PCSK7: variants seen among roughly 807,000 people sequenced by gnomAD.
PCSK7 encodes lymphoma proprotein convertase.
A neutral mutation model predicts 73.3 loss-of-function variants in PCSK7; 38 were observed. The observed-to-expected ratio is 0.52, with a 90% CI of 0.40 to 0.68. PCSK7 has a LOEUF of 0.68. Among genes scored for constraint, PCSK7 ranks in the 30% least tolerant of loss-of-function variants. PCSK7 has a pLI of 0.00. For synonymous variants in PCSK7, 296 were observed against 383.8 expected, an observed-to-expected ratio of 0.77 and a Z score of 2.68; for missense variants, 692 against 991.5, an observed-to-expected ratio of 0.70 and a Z score of 4.06.
At position 117,225,213 on chromosome 11, in the gene PCSK7, C is replaced by A. The variant is rs1475661882; in HGVS notation, c.861-458G>T. On this transcript the variant is annotated intron_variant, in intron 6 of 16. Transcript: ENST00000320934. ...AGTAGCTGGGATTACAGGTGCCCAC[C>A]ACCAAGCCTGGCTAATTTTTGTATT... 6.3e-5 allele frequency: 10 copies of A among 157,714 alleles called. No individual in the cohort carries two copies. In the South Asian group the frequency reaches 1.8e-3, roughly 29 times the overall value. The allele number at this position is 157,714 out of a possible 1,614,324, so 9.8% of individuals were successfully genotyped here.
intron 9 of PCSK7, 64 bp from the exon 10 acceptor site, chr11:117,219,822 G>A: frequency 7.6e-7 from 1 of 1,311,964 alleles, no homozygotes; most frequent in Non-Finnish European, 1.0e-6. Context: ...ACAGTGGTGT[G>A]CACCTATAGT....
At position 117,219,184 on chromosome 11, in the gene PCSK7, G is replaced by C. The variant is rs1336701740; in HGVS notation, c.1324-20C>G. On this transcript the variant is annotated intron_variant, in intron 10 of 16. Coordinates refer to ENST00000320934, the MANE Select transcript of PCSK7 (RefSeq NM_004716.4). Reference sequence around the variant, plus strand: ...CTCATACTGAAAGGACAGAGGTCCTGGTTAGTCTCTTGCATTGCCAGTGTA... The same window carrying C: ...CTCATACTGAAAGGACAGAGGTCCTCGTTAGTCTCTTGCATTGCCAGTGTA... 4 of 1,552,094 alleles carry C rather than the reference G, an allele frequency of 2.6e-6. No individual in the cohort carries two copies. The Admixed American group carries it at 5.1e-5, about 20-fold the overall frequency.
chr11:117,222,283 T>A (rs917641766), intron 9 of PCSK7: 2 of 152,264 alleles, frequency 1.3e-5, no homozygotes, highest in Admixed American at 6.5e-5. Flanking sequence ...GCGATCGTCT[T>A]CAAATTCTTT....
chr11:117,226,266 G>T, intron 5 of PCSK7: 1 of 505,310 alleles, frequency 2.0e-6, no homozygotes, highest in Non-Finnish European at 3.6e-6. Context: ...CCTCGAAGTA[G>T]CTGGGACTAC....
At chr11:117,225,055 CTTTTTTTTT>C (rs571538440) in intron 6 of PCSK7, 2 of 134,370 alleles carry the variant, frequency 1.5e-5, no homozygotes, top group South Asian at 2.4e-4. Context: ...ACATGTAGAC[CTTTTTTTTT>C]TTTTTTTTTT....
At chr11:117,212,071 CATT>C (rs2031751280) in intron 12 of PCSK7, 1 of 152,078 alleles carries the variant, frequency 6.6e-6, no homozygotes, top group African/African-American at 2.4e-5. Context: ...TTGTCCTTGA[CATT>C]TTTTTCTATT....
chr11:117,230,040 C>T (rs1006421803), intron 2 of PCSK7, 184 bp from the exon 3 acceptor site: 8 of 547,042 alleles, frequency 1.5e-5, no homozygotes, highest in Admixed American at 7.0e-5. Context: ...GGATAAGCCC[C>T]CAGGTGGAGT....
At chr11:117,224,301 T>C in intron 7 of PCSK7, 85 bp from the exon 8 acceptor site, 1 of 1,415,800 alleles carries the variant, frequency 7.1e-7, no homozygotes, top group South Asian at 1.2e-5. Flanking sequence ...CTCCACCCCT[T>C]CTAGAAACAA....
At chr11:117,226,501 A>C in intron 5 of PCSK7, 1 of 162,334 alleles carries the variant, frequency 6.2e-6, no homozygotes, top group Non-Finnish European at 1.4e-5. Context: ...AAAAAAATAT[A>C]TATATAGAGA....
chr11:117,218,388 G>C lies in PCSK7; in HGVS notation c.1534+78C>G, dbSNP rs1339988591. 3 of 727,846 alleles carry C rather than the reference G, an allele frequency of 4.1e-6. No homozygotes were observed. Among genetic ancestry groups the C allele is most frequent in the African/African-American group, 3.6e-5 (2 of 54,826 alleles). 45.1% of individuals were successfully genotyped at this position (727,846 alleles called of 1,614,324 possible). On this transcript the variant is annotated intron_variant, in intron 12 of 16. Transcript: ENST00000320934. This position sits in a 1 kb window ranked among gnomAD's most constrained non-coding sequence, Gnocchi z 4.0. ...CCGAAAGGGGGTAGAATCTGGCAGG[G>C]AGGACGAGTTTAACTTCCTTGTCAC... is the stretch of plus-strand genomic sequence containing the variant.
chr11:117,223,527 G>C, intron 8 of PCSK7: 2 of 567,988 alleles, frequency 3.5e-6, no homozygotes, highest in East Asian at 5.8e-5. Flanking sequence ...CATTCTTTCA[G>C]TAGGCTCTGG....
chr11:117,204,377 C>T lies in PCSK7; in HGVS notation c.*1620G>A. The T allele has an allele frequency of 6.2e-7, 1 of 1,614,204 alleles. No homozygotes were observed. Among genetic ancestry groups the T allele is most frequent in the Non-Finnish European group, 8.5e-7 (1 of 1,180,014 alleles). ...TCAGTTAGAGCGGAGAGGGCTAGCC[C>T]TGAGCCCGGCCCTCCCCCAGCTCCT... is the stretch of plus-strand genomic sequence containing the variant. On this transcript the variant is annotated 3_prime_UTR_variant, in exon 17 of 17. Transcript: ENST00000320934.
Position 117,224,767 on chromosome 11 carries a change from T to C in PCSK7, c.861-12A>G, listed in dbSNP as rs777311302. On this transcript the variant is annotated splice_polypyrimidine_tract_variant and intron_variant, in intron 6 of 16. Transcript: ENST00000320934. ...CATCTGGTCCCCAGCTGTTGAGAAA[T>C]AAATACCTAGAGGGGACAGCCAGAG... 17 of 1,608,552 alleles carry C rather than the reference T, an allele frequency of 1.1e-5. No individual in the cohort carries two copies. The Admixed American group carries it at 2.8e-4, about 27-fold the overall frequency.
In PCSK7 at chr11:117,218,793, G is replaced by T. The variant is rs542770839; in HGVS notation, c.1432-225C>A. Reference sequence around the variant, plus strand: ...AGGAAACAGCTGTGTCCAGGGTGGAGGAGGGGAACCAGAGCATCCTGAGTC... The same window carrying T: ...AGGAAACAGCTGTGTCCAGGGTGGATGAGGGGAACCAGAGCATCCTGAGTC... On this transcript the variant is annotated intron_variant, in intron 11 of 16. Coordinates refer to ENST00000320934, the MANE Select transcript of PCSK7 (RefSeq NM_004716.4). The surrounding 1 kb of genome is among the most constrained non-coding windows in gnomAD (Gnocchi z 4.0). The T allele has an allele frequency of 2.5e-5, 14 of 566,240 alleles. No individual in the cohort carries two copies. Among genetic ancestry groups the T allele is most frequent in the Non-Finnish European group, 4.1e-5 (13 of 317,460 alleles). The allele number at this position is 566,240 out of a possible 1,614,324, so 35.1% of individuals were successfully genotyped here.
At chr11:117,223,762 GC>G (rs2032300285) in intron 8 of PCSK7, 8 of 395,418 alleles carry the variant, frequency 2.0e-5, no homozygotes, top group Middle Eastern at 7.0e-4. Flanking sequence ...CTTAATTTAG[GC>G]CTGTGGGGAG....
In PCSK7 at chr11:117,219,592, C is replaced by T. The variant is rs746679024; in HGVS notation, c.1322G>A (p.Arg441Gln). 2.1e-5 allele frequency: 34 copies of T among 1,612,290 alleles called. No individual in the cohort carries two copies. The highest frequency in any genetic ancestry group is 2.4e-5 in the Non-Finnish European group (28 of 1,179,474). ...VQHIIVFTAT[R>Q]YEDRRAEWVT... ...CTTGTCTACCTGCTGGTATCTCACC[C>T]GGGTGGCTGTGAAGACAATGATGTG... The change falls in exon 10 of 17, where the codon CGG becomes CAG. Residue 441 changes from arginine (R) to glutamine (Q), a missense_variant and splice_region_variant. This residue lies in a region of PCSK7 where 574 missense variants were observed against 689.8 expected (regional missense o/e 0.83). Transcript: ENST00000320934.
chr11:117,225,149 C>A, intron 6 of PCSK7: 1 of 165,550 alleles, frequency 6.0e-6, no homozygotes, highest in South Asian at 1.6e-4. Context: ...GCCACCTCCA[C>A]CTCCCAGGTT....
Position 117,229,721 on chromosome 11 carries a change from C to T in PCSK7, c.124G>A (p.Gly42Ser), listed in dbSNP as rs767388363. The T allele has an allele frequency of 5.0e-6, 8 of 1,613,874 alleles. No individual in the cohort carries two copies. The highest frequency in any genetic ancestry group is 6.8e-6 in the Non-Finnish European group (8 of 1,179,904). The change falls in exon 3 of 17, where the codon GGT (glycine) becomes AGT (serine). Residue 42 changes from glycine (G) to serine (S), a missense_variant. By Grantham distance (56) the Gly-to-Ser change is moderately conservative. This residue lies in a region of PCSK7 where 574 missense variants were observed against 689.8 expected (regional missense o/e 0.83). Transcript: ENST00000320934. Reference protein sequence around the residue: ...VPWVMGLAGTGGPDGQGTGGP... With the variant: ...VPWVMGLAGTSGPDGQGTGGP... ...CCTGTGCCCTGGCCATCAGGCCCAC[C>T]TGTCCCTGCCAGGCCCATGACCCAG...
intron 9 of PCSK7, chr11:117,222,690 A>G (rs1243314620): frequency 6.6e-6 from 1 of 151,092 alleles, no homozygotes; most frequent in African/African-American, 2.4e-5. Flanking sequence ...TCTGTCACCC[A>G]GGCTGGAGTA....
Sources: gnomAD v4.1 joint callset for allele counts on GRCh38, gnomAD v4.1.1 for gene constraint, gnomAD v4.1.1 regional missense constraint, Gnocchi (gnomAD v3.1) non-coding constraint, MANE v1.5 for transcripts, NCBI Gene and HGNC (gene_info 2026-07-23, HGNC 2026-07-21) for gene names.